PDE4D: variants seen among roughly 807,000 people sequenced by gnomAD.
PDE4D encodes phosphodiesterase 4D.
Under a neutral mutation model 87.4 loss-of-function variants are expected in PDE4D, and 24 were observed. The observed-to-expected ratio is 0.27, with a 90% CI of 0.20 to 0.39. The LOEUF (loss-of-function observed/expected upper bound fraction) is 0.39, where lower values mean the gene tolerates loss of function less well. Ranked by LOEUF, PDE4D falls within the 10% of genes least tolerant of loss-of-function variation. PDE4D has a pLI of 1.00. For missense variants in PDE4D, 714 were observed against 1,041.0 expected (o/e 0.69, Z 4.32); for synonymous variants, 384 against 383.2 (o/e 1.00, Z -0.02).
At chr5:59,307,739 AG>A in intron 1 of PDE4D, among the ~76,000 whole-genome samples, 1 of 152,170 alleles carries the variant, frequency 6.6e-6, no homozygotes, top group South Asian at 2.1e-4. Context: ...GTGGAGAAAT[AG>A]GAATACTTTT....
At chr5:59,526,581 T>C (rs1330944288) in intron 1 of PDE4D, among the ~76,000 whole-genome samples, 1 of 152,226 alleles carries the variant, frequency 6.6e-6, no homozygotes, top group African/African-American at 2.4e-5. Flanking sequence ...AAAATTTGAA[T>C]GTTGATCAAC....
chr5:59,990,039 T>C (rs1762850104), intron 2 of PDE4D, among the ~76,000 whole-genome samples: 2 of 152,212 alleles, frequency 1.3e-5, no homozygotes, highest in South Asian at 4.1e-4. Flanking sequence ...TTTCCTTCCC[T>C]TCTGAGTTTT....
intron 1 of PDE4D, among the ~76,000 whole-genome samples, chr5:59,784,907 G>C (rs1561657892): frequency 2.0e-5 from 3 of 151,976 alleles, no homozygotes; most frequent in African/African-American, 7.3e-5. Context: ...CTTTTTCATG[G>C]TTTTTCTCTC....
At chr5:59,815,590 G>A (rs1320532019) in intron 1 of PDE4D, among the ~76,000 whole-genome samples, 4 of 152,180 alleles carry the variant, frequency 2.6e-5, no homozygotes, top group Non-Finnish European at 5.9e-5. Flanking sequence ...ATATAAAAGA[G>A]TTAGAACAAA....
intron 2 of PDE4D, among the ~76,000 whole-genome samples, chr5:60,137,870 C>T (rs891129447): frequency 1.3e-5 from 2 of 151,962 alleles, no homozygotes; most frequent in African/African-American, 4.8e-5. Flanking sequence ...GTGCCTATGT[C>T]CTGAATGGTA....
intron 2 of PDE4D, among the ~76,000 whole-genome samples, chr5:60,067,179 G>A (rs1772197794): frequency 6.6e-6 from 1 of 151,968 alleles, no homozygotes; most frequent in African/African-American, 2.4e-5. Flanking sequence ...ATCCTGAGCA[G>A]TTCTATATCT....
intron 1 of PDE4D, among the ~76,000 whole-genome samples, chr5:60,501,686 C>T (rs1230502499): frequency 7.7e-4 from 117 of 151,590 alleles, no homozygotes; most frequent in East Asian, 4.8e-3. Flanking sequence ...TTTTAATGAT[C>T]GCCATTCTAA....
At chr5:60,059,988 T>A (rs1307240613) in intron 2 of PDE4D, among the ~76,000 whole-genome samples, 2 of 151,944 alleles carry the variant, frequency 1.3e-5, no homozygotes, top group African/African-American at 4.8e-5. Flanking sequence ...AATAAAATTA[T>A]AATCATAGCT....
rs184812072 is a variant in PDE4D, at chr5:60,257,141, T to A, written c.-89-71454A>T. On this transcript the variant is annotated intron_variant, in intron 1 of 16. Coordinates refer to the PDE4D transcript ENST00000502484. ...AAAGATGGCCAAAAAGAATTAAGATTTACTTCTGCATGTAATAAGAAGTTA... is the reference window on the plus strand; with the variant it reads ...AAAGATGGCCAAAAAGAATTAAGATATACTTCTGCATGTAATAAGAAGTTA... 5.7e-3 allele frequency among the ~76,000 whole-genome samples: 857 copies of A among 149,466 alleles called. 11 individuals are homozygous for A. Among genetic ancestry groups the A allele is most frequent in the African/African-American group, 0.02 (812 of 40,640 alleles).
chr5:60,429,418 T>C (rs1157909437), intron 1 of PDE4D, among the ~76,000 whole-genome samples: 1 of 152,058 alleles, frequency 6.6e-6, no homozygotes, highest in Non-Finnish European at 1.5e-5. Context: ...TTGACAGAGG[T>C]AGTTTGATTT....
intron 1 of PDE4D, among the ~76,000 whole-genome samples, chr5:59,682,830 C>T (rs1749246008): frequency 6.6e-6 from 1 of 151,980 alleles, no homozygotes; most frequent in Non-Finnish European, 1.5e-5. Flanking sequence ...TTATAGCAGC[C>T]CAAATAAATC....
chr5:59,265,116 C>T (rs796129063), intron 1 of PDE4D, among the ~76,000 whole-genome samples: 12 of 151,860 alleles, frequency 7.9e-5, no homozygotes, highest in African/African-American at 2.2e-4. Context: ...GTGTGATTAC[C>T]GTAGGACCAA....
At chr5:58,978,415 CAAAAA>C (rs1004620112) in intron 11 of PDE4D, among the ~76,000 whole-genome samples, 2 of 151,450 alleles carry the variant, frequency 1.3e-5, no homozygotes, top group Admixed American at 6.6e-5. Flanking sequence ...GACTCTGTTT[CAAAAA>C]GAAAAGAAAA....
chr5:60,418,458 C>T (rs937495196), intron 1 of PDE4D, among the ~76,000 whole-genome samples: 2 of 152,112 alleles, frequency 1.3e-5, no homozygotes, highest in Non-Finnish European at 2.9e-5. Context: ...ATAATAATAA[C>T]TCTAATTTAT....
At chr5:59,919,577 C>G (rs1334546381) in intron 3 of PDE4D, among the ~76,000 whole-genome samples, 1 of 152,198 alleles carries the variant, frequency 6.6e-6, no homozygotes, top group African/African-American at 2.4e-5. Context: ...CCATATCTGA[C>G]ATTGTTCCAT....
intron 5 of PDE4D, among the ~76,000 whole-genome samples, chr5:59,159,349 T>C (rs1780699923): frequency 6.6e-6 from 1 of 151,944 alleles, no homozygotes; most frequent in Non-Finnish European, 1.5e-5. Context: ...CCCAGGCTGG[T>C]CTGAAATTCC....
At chr5:59,182,842 A>C (rs767185835) in intron 4 of PDE4D, among the ~76,000 whole-genome samples, 73 of 152,208 alleles carry the variant, frequency 4.8e-4, no homozygotes, top group Non-Finnish European at 9.0e-4. Context: ...AAAAACAAAA[A>C]ACCCAAGGTG....
intron 1 of PDE4D, among the ~76,000 whole-genome samples, chr5:59,367,801 A>AAG (rs535656110): frequency 1.2e-3 from 190 of 152,338 alleles, no homozygotes; most frequent in African/African-American, 4.4e-3. Context: ...AGGAAAAAGC[A>AAG]AGAGAGAGAG....
At chr5:59,443,710 T>C (rs1797967248) in intron 1 of PDE4D, among the ~76,000 whole-genome samples, 1 of 152,202 alleles carries the variant, frequency 6.6e-6, no homozygotes, top group African/African-American at 2.4e-5. Context: ...TGAAGTGTGT[T>C]TTTTAAATCA....
Sources: allele counts gnomAD v4.1 joint callset (sites outside exome capture counted in the v4.1 genomes callset), GRCh38; gene constraint gnomAD v4.1.1; transcripts MANE v1.5; gene names NCBI Gene and HGNC (gene_info 2026-07-23, HGNC 2026-07-21).